The following EXOC4 variants were observed in gnomAD, a reference collection of about 807,000 sequenced individuals.
The protein encoded by EXOC4 is SEC8-like 1.
In EXOC4, 71 loss-of-function variants were observed where a neutral mutation model predicts 107.2. The ratio of observed to expected loss-of-function variants is 0.66; its 90% CI spans 0.55 to 0.81. The LOEUF is 0.81. Ranked by LOEUF, EXOC4 falls within the 30% of genes least tolerant of loss-of-function variation. The pLI is 0.00. For missense variants in EXOC4, 1,108 were observed against 1,189.6 expected (o/e 0.93, Z 1.01); for synonymous variants, 456 against 441.2 (o/e 1.03, Z -0.42).
chr7:133,931,566 T>C (rs1800175664), intron 13 of EXOC4, among the ~76,000 whole-genome samples: 1 of 152,184 alleles, frequency 6.6e-6, no homozygotes, highest in Admixed American at 6.5e-5. Flanking sequence ...AAAGAAAAAC[T>C]GTAACTTAAA....
intron 9 of EXOC4, among the ~76,000 whole-genome samples, chr7:133,520,301 C>T (rs918524399): frequency 2.0e-5 from 3 of 152,128 alleles, no homozygotes; most frequent in Non-Finnish European, 4.4e-5. Flanking sequence ...TTGTATCAGT[C>T]TCACTTGGGG....
chr7:133,639,213 G>C (rs1405297479), intron 10 of EXOC4, among the ~76,000 whole-genome samples: 2 of 152,036 alleles, frequency 1.3e-5, no homozygotes, highest in African/African-American at 4.8e-5. Context: ...TTGTTTCCTT[G>C]TATGATTTGG....
intron 7 of EXOC4, among the ~76,000 whole-genome samples, chr7:133,418,681 T>C (rs756544478): frequency 3.9e-5 from 6 of 152,178 alleles, no homozygotes; most frequent in Non-Finnish European, 7.4e-5. Context: ...CTAGGGTTTG[T>C]TGTTTTCCTT....
At chr7:133,598,484 G>A (rs1801733880) in intron 9 of EXOC4, among the ~76,000 whole-genome samples, 1 of 152,134 alleles carries the variant, frequency 6.6e-6, no homozygotes, top group African/African-American at 2.4e-5. Context: ...TTAAAATGTG[G>A]CTAATGCAAC....
chr7:133,528,383 TAAAC>T (rs1459348202), intron 9 of EXOC4, among the ~76,000 whole-genome samples: 1 of 152,194 alleles, frequency 6.6e-6, no homozygotes, highest in Non-Finnish European at 1.5e-5. Flanking sequence ...ATTTTACAAA[TAAAC>T]TTAAGTGCGA....
chr7:133,294,178 G>C (rs756269163), intron 3 of EXOC4, among the ~76,000 whole-genome samples: 2 of 152,132 alleles, frequency 1.3e-5, no homozygotes, highest in Non-Finnish European at 2.9e-5. Context: ...GATTAATTCT[G>C]GGAAGAATTA....
At chr7:133,941,533 C>T (rs907271361) in intron 14 of EXOC4, among the ~76,000 whole-genome samples, 2 of 152,224 alleles carry the variant, frequency 1.3e-5, no homozygotes, top group Middle Eastern at 3.4e-3. Flanking sequence ...ATCTCCTTTA[C>T]ACATAAAAGG....
At chr7:133,652,449 T>A (rs9791898) in intron 10 of EXOC4, among the ~76,000 whole-genome samples, 49,682 of 151,172 alleles carry the variant, frequency 0.33, 8,366 homozygotes, top group South Asian at 0.45. Context: ...TTTTTTTTTT[T>A]AAAAAAAACA....
chr7:133,940,332 A>T (rs1800398239), intron 14 of EXOC4, among the ~76,000 whole-genome samples: 1 of 152,236 alleles, frequency 6.6e-6, no homozygotes, highest in African/African-American at 2.4e-5. Context: ...GAAAGTACCC[A>T]GTAAAGTTGA....
At chr7:133,787,651 C>T (rs1173367108) in intron 10 of EXOC4, among the ~76,000 whole-genome samples, 2 of 151,616 alleles carry the variant, frequency 1.3e-5, no homozygotes, top group Non-Finnish European at 2.9e-5. Flanking sequence ...GGCTTACAGA[C>T]GGCCTCCTCC....
chr7:133,843,858 GT>G (rs1798069476), intron 11 of EXOC4, among the ~76,000 whole-genome samples: 1 of 152,146 alleles, frequency 6.6e-6, no homozygotes, highest in Non-Finnish European at 1.5e-5. Context: ...TTTCTTGAGG[GT>G]TTTTAACCTG....
chr7:133,291,491 C>A (rs1219972239), intron 3 of EXOC4, among the ~76,000 whole-genome samples: 2 of 150,868 alleles, frequency 1.3e-5, no homozygotes, highest in Non-Finnish European at 2.9e-5. Flanking sequence ...AAGTGAGTCT[C>A]CTGCCTCAGC....
At chr7:133,697,459 C>T (rs955045961) in intron 10 of EXOC4, among the ~76,000 whole-genome samples, 11 of 152,108 alleles carry the variant, frequency 7.2e-5, no homozygotes, top group African/African-American at 2.7e-4. Flanking sequence ...AGCCACAAAA[C>T]GAGTTAATGT....
intron 10 of EXOC4, among the ~76,000 whole-genome samples, chr7:133,645,720 G>GT (rs1300318757): frequency 6.6e-6 from 1 of 152,110 alleles, no homozygotes; most frequent in African/African-American, 2.4e-5. Flanking sequence ...TTGTGCTCCT[G>GT]TGTACCTTTG....
chr7:133,460,193 C>G (rs1027565864), intron 7 of EXOC4, among the ~76,000 whole-genome samples: 2 of 152,130 alleles, frequency 1.3e-5, no homozygotes, highest in African/African-American at 4.8e-5. Flanking sequence ...GAGCACACGA[C>G]CTAGATCCCT....
intron 11 of EXOC4, among the ~76,000 whole-genome samples, chr7:133,850,642 A>C (rs34470225): frequency 0.13 from 19,427 of 146,568 alleles, 1,477 homozygotes; most frequent in African/African-American, 0.16. Context: ...TTACCCCCCC[A>C]CACACACACA....
chr7:133,836,756 G>A (rs901513040), intron 11 of EXOC4, among the ~76,000 whole-genome samples: 11 of 151,932 alleles, frequency 7.2e-5, no homozygotes, highest in African/African-American at 2.4e-4. Context: ...TTATGAAATC[G>A]TCAGCCTGGA....
At chr7:133,770,645 A>G (rs1369254508) in intron 10 of EXOC4, among the ~76,000 whole-genome samples, 3 of 151,940 alleles carry the variant, frequency 2.0e-5, no homozygotes, top group Admixed American at 1.3e-4. Flanking sequence ...TGAGGAGGTC[A>G]TATCTAGCTG....
intron 9 of EXOC4, among the ~76,000 whole-genome samples, chr7:133,627,110 T>C (rs1189467510): frequency 6.6e-6 from 1 of 152,206 alleles, no homozygotes; most frequent in Non-Finnish European, 1.5e-5. Flanking sequence ...AGAAAACACA[T>C]AGTAACAGAA....
Sources: gnomAD v4.1 joint callset for allele counts (sites outside exome capture counted in the v4.1 genomes callset) on GRCh38, gnomAD v4.1.1 for gene constraint, MANE v1.5 for transcripts, NCBI Gene and HGNC (gene_info 2026-07-23, HGNC 2026-07-21) for gene names.